GSE1: variants seen among roughly 807,000 people sequenced by gnomAD.
The protein encoded by GSE1 is genetic suppressor element 1.
In GSE1, 32 loss-of-function variants were observed where a neutral mutation model predicts 112.6. The observed-to-expected ratio is 0.28, with a 90% confidence interval of 0.21 to 0.38. The LOEUF is 0.38. GSE1 is among the 10% of genes least tolerant of loss of function. The pLI is 1.00. For missense variants in GSE1, 2,348 were observed against 1,699.2 expected, an observed-to-expected ratio of 1.38 and a Z score of -6.71; for synonymous variants, 1,115 against 735.6, an observed-to-expected ratio of 1.52 and a Z score of -8.35.
intron 2 of GSE1, among the ~76,000 whole-genome samples, chr16:85,442,788 G>A (rs57556603): frequency 0.054 from 8,190 of 152,266 alleles, 275 homozygotes; most frequent in African/African-American, 0.096. Flanking sequence ...CACAAATGCC[G>A]TGGTTGGAAA....
chr16:85,475,714 G>C (rs2050430894), intron 2 of GSE1, among the ~76,000 whole-genome samples: 1 of 151,966 alleles, frequency 6.6e-6, no homozygotes, highest in Admixed American at 6.5e-5. Context: ...GGAGCATCTT[G>C]CTTGTACTGG....
intron 2 of GSE1, among the ~76,000 whole-genome samples, chr16:85,396,601 C>G (rs748427772): frequency 2.6e-5 from 4 of 152,228 alleles, no homozygotes; most frequent in Non-Finnish European, 5.9e-5. Context: ...GTTGGCTGAA[C>G]GGGCAGCTTC....
chr16:85,668,104 C>T, intron 13 of GSE1, 36 bp from the exon 14 acceptor site: 2 of 1,511,522 alleles, frequency 1.3e-6, no homozygotes, highest in Non-Finnish European at 1.8e-6. Flanking sequence ...TGTCCCTTCC[C>T]CCAACACACT....
intron 2 of GSE1, among the ~76,000 whole-genome samples, chr16:85,648,016 C>G (rs1478682899): frequency 6.6e-6 from 1 of 151,692 alleles, no homozygotes; most frequent in Non-Finnish European, 1.5e-5. Context: ...CGGGAAGACT[C>G]AGAGGCTTGG....
intron 2 of GSE1, among the ~76,000 whole-genome samples, chr16:85,637,034 T>C (rs79063705): frequency 0.012 from 1,841 of 152,338 alleles, 39 homozygotes; most frequent in African/African-American, 0.042. Flanking sequence ...TAAAATTTTT[T>C]TAGTTACAAT....
chr16:85,191,148 T>C (rs1345296707), intron 1 of GSE1, among the ~76,000 whole-genome samples: 1 of 152,016 alleles, frequency 6.6e-6, no homozygotes, highest in Non-Finnish European at 1.5e-5. Flanking sequence ...TAATCCCAGC[T>C]ACTTGCGAGG....
intron 1 of GSE1, among the ~76,000 whole-genome samples, chr16:85,319,495 G>T (rs981968496): frequency 6.6e-6 from 1 of 152,180 alleles, no homozygotes; most frequent in African/African-American, 2.4e-5. Context: ...GGTGGCGAGC[G>T]TCGGGCTGAT....
chr16:85,433,033 A>G (rs2049157951), intron 2 of GSE1, among the ~76,000 whole-genome samples: 1 of 151,858 alleles, frequency 6.6e-6, no homozygotes, highest in South Asian at 2.1e-4. Flanking sequence ...TTGGGGGATC[A>G]GGTGATGATA....
chr16:85,313,420 C>T (rs1342491319), intron 1 of GSE1, among the ~76,000 whole-genome samples: 3 of 152,140 alleles, frequency 2.0e-5, no homozygotes, highest in African/African-American at 4.8e-5. Context: ...TGGCTTGTCC[C>T]GTTGGGCCAG....
intron 1 of GSE1, among the ~76,000 whole-genome samples, chr16:85,629,461 G>A (rs1393175089): frequency 6.6e-6 from 1 of 152,202 alleles, no homozygotes; most frequent in African/African-American, 2.4e-5. Context: ...GGTTTGCAGG[G>A]CATAGTCAGC....
chr16:85,240,783 T>C (rs1905107124), intron 1 of GSE1, among the ~76,000 whole-genome samples: 1 of 152,178 alleles, frequency 6.6e-6, no homozygotes, highest in East Asian at 1.9e-4. Context: ...TTCGTCTCTC[T>C]TGGCTGAATT....
chr16:85,282,273 GC>G (rs1259852458), intron 1 of GSE1, among the ~76,000 whole-genome samples: 2 of 152,130 alleles, frequency 1.3e-5, no homozygotes, highest in Non-Finnish European at 2.9e-5. Context: ...TGATCCAGCC[GC>G]CTCGGTCTCC....
intron 1 of GSE1, chr16:85,595,432 G>A (rs1487949892): frequency 6.6e-6 from 1 of 152,202 alleles, no homozygotes; most frequent in East Asian, 1.9e-4. Flanking sequence ...TAGGCTGGTG[G>A]AGAGGGTTGT....
chr16:85,348,650 G>A (rs1000492951), intron 1 of GSE1, among the ~76,000 whole-genome samples: 1 of 152,124 alleles, frequency 6.6e-6, no homozygotes, highest in Admixed American at 6.5e-5. Context: ...CTTTCTGTCC[G>A]CTCAGCCTCA....
chr16:85,408,614 A>G (rs1461658768), intron 2 of GSE1, among the ~76,000 whole-genome samples: 1 of 21,224 alleles, frequency 4.7e-5, no homozygotes, highest in African/African-American at 2.2e-4. Flanking sequence ...TGTTACTCTC[A>G]GGCCCCCCTG....
rs2045851965 is a variant in GSE1, at chr16:85,311,657, G to T, written c.2284-45806G>T. 6.6e-6 allele frequency among the ~76,000 whole-genome samples: 1 copy of T among 152,118 alleles called. No individual in the cohort carries two copies. ...CAGGGCCCCTTGGGCTGTGTACCTG[G>T]GCCTGGTGGCTCTGTCTGTGGCTCT... On this transcript the variant is annotated intron_variant, in intron 1 of 2. Transcript: ENST00000637419. The surrounding 1 kb of genome is among the most constrained non-coding windows in gnomAD (Gnocchi z 4.2).
intron 2 of GSE1, among the ~76,000 whole-genome samples, chr16:85,422,157 C>T (rs1022308859): frequency 1.9e-4 from 29 of 152,284 alleles, no homozygotes; most frequent in African/African-American, 6.5e-4. Context: ...CACCCCACCT[C>T]GGCCCCCTCC....
intron 1 of GSE1, among the ~76,000 whole-genome samples, chr16:85,561,685 C>T (rs1418859499): frequency 1.3e-5 from 2 of 152,328 alleles, no homozygotes; most frequent in South Asian, 2.1e-4. Context: ...GCCCCAGCTG[C>T]CCCCGGAGGC....
intron 2 of GSE1, among the ~76,000 whole-genome samples, chr16:85,550,491 G>C (rs942390237): frequency 1.3e-4 from 20 of 152,266 alleles, no homozygotes; most frequent in African/African-American, 4.8e-4. Context: ...GCCCACCCGA[G>C]AACAGACGGG....
Sources: allele counts gnomAD v4.1 joint callset (sites outside exome capture counted in the v4.1 genomes callset), GRCh38; gene constraint gnomAD v4.1.1; non-coding constraint Gnocchi (gnomAD v3.1); transcripts MANE v1.5; gene names NCBI Gene and HGNC (gene_info 2026-07-23, HGNC 2026-07-21).